CNTN1: variants seen among roughly 807,000 people sequenced by gnomAD.
CNTN1 encodes contactin-1.
A neutral mutation model predicts 126.4 loss-of-function variants in CNTN1; 38 were observed. That is an observed-to-expected ratio of 0.30 (90% CI 0.23 to 0.39). The LOEUF is 0.39. Among genes scored for constraint, CNTN1 ranks in the 10% least tolerant of loss-of-function variants. The probability of loss-of-function intolerance (pLI) is 1.00; values close to 1 mark genes in which losing one functional copy is unlikely to be tolerated. For missense variants in CNTN1, 1,009 were observed against 1,248.4 expected (o/e 0.81, Z 2.89); for synonymous variants, 413 against 422.6 (o/e 0.98, Z 0.28).
intron 6 of CNTN1, 32 bp downstream of exon 6, chr12:40,924,684 C>A: frequency 8.5e-7 from 1 of 1,171,186 alleles, no homozygotes. Context: ...CTATTAGCAT[C>A]TATGAAACAA....
At position 41,070,345 on chromosome 12, in the gene CNTN1, C is replaced by T. The variant is rs1950135584; in HGVS notation, c.*310C>T. The T allele has an allele frequency of 2.4e-6, 1 of 423,482 alleles. No individual in the cohort carries two copies. The highest frequency in any genetic ancestry group is 2.1e-5 in the South Asian group (1 of 46,934). 26.2% of individuals were successfully genotyped at this position (423,482 alleles called of 1,614,324 possible). On this transcript the variant is annotated 3_prime_UTR_variant, in exon 24 of 24. Transcript: ENST00000551295. ...ATGGGACAAGTTACAGTGTTCAATT[C>T]AATACTATAGGCTGTAGAGTGAAAG... is the stretch of plus-strand genomic sequence containing the variant.
intron 1 of CNTN1, among the ~76,000 whole-genome samples, chr12:40,728,442 CT>C (rs1429036884): frequency 6.6e-6 from 1 of 152,116 alleles, no homozygotes; most frequent in African/African-American, 2.4e-5. Context: ...TAGTAGTAAG[CT>C]CTGTAAGACT....
chr12:40,720,003 ATTTTTTTTT>A (rs561694238), intron 1 of CNTN1, among the ~76,000 whole-genome samples: 2 of 127,238 alleles, frequency 1.6e-5, no homozygotes, highest in South Asian at 2.5e-4. Flanking sequence ...CGCCCGGTTA[ATTTTTTTTT>A]TTTTTTTTTT....
intron 16 of CNTN1, among the ~76,000 whole-genome samples, chr12:40,984,322 G>A (rs1439352405): frequency 6.6e-6 from 1 of 151,902 alleles, no homozygotes; most frequent in East Asian, 1.9e-4. Flanking sequence ...AGTCTATTTT[G>A]CATTGCTATA....
chr12:41,031,885 G>A lies in CNTN1; in HGVS notation c.2980+2666G>A, dbSNP rs543857942. ...AAATCATTTAAATTATTTTAATGAG[G>A]CAAATGTGTAAATACAAACAGAAAT... On this transcript the variant is annotated intron_variant, in intron 23 of 23. Transcript: ENST00000551295. Among the ~76,000 whole-genome samples the A allele has an allele frequency of 2.0e-5, 3 of 152,072 alleles. No individual in the cohort carries two copies. The East Asian group carries it at 5.8e-4, about 29-fold the overall frequency.
chr12:40,701,203 CAT>C (rs970306472), intron 1 of CNTN1, among the ~76,000 whole-genome samples: 1 of 152,094 alleles, frequency 6.6e-6, no homozygotes, highest in Non-Finnish European at 1.5e-5. Flanking sequence ...TCTAAATTTG[CAT>C]ATGTTTTATT....
intron 1 of CNTN1, among the ~76,000 whole-genome samples, chr12:40,885,839 G>T (rs567567526): frequency 2.4e-4 from 36 of 151,984 alleles, no homozygotes; most frequent in African/African-American, 8.4e-4. Flanking sequence ...ATCAGGAGCT[G>T]GTATAGTTTT....
At chr12:40,837,027 A>C (rs1273836150) in intron 1 of CNTN1, among the ~76,000 whole-genome samples, 2 of 152,178 alleles carry the variant, frequency 1.3e-5, no homozygotes, top group African/African-American at 2.4e-5. Flanking sequence ...ATATTCAGTG[A>C]TATTTCGGAA....
intron 1 of CNTN1, among the ~76,000 whole-genome samples, chr12:40,723,430 T>C (rs770028987): frequency 2.0e-5 from 3 of 152,214 alleles, no homozygotes; most frequent in Non-Finnish European, 4.4e-5. Context: ...GACTTCCAGA[T>C]TGAACCTTCA....
intron 1 of CNTN1, among the ~76,000 whole-genome samples, chr12:40,779,596 CA>C (rs1939714167): frequency 6.6e-6 from 1 of 151,836 alleles, no homozygotes; most frequent in Non-Finnish European, 1.5e-5. Flanking sequence ...GCATTGCTGT[CA>C]TTTAAGACAT....
At chr12:40,904,522 G>A (rs2136788509) in intron 1 of CNTN1, among the ~76,000 whole-genome samples, 1 of 151,770 alleles carries the variant, frequency 6.6e-6, no homozygotes, top group Middle Eastern at 3.4e-3. Context: ...TCCAGCTCCT[G>A]GGTTCAAGCA....
In CNTN1 at chr12:40,953,619, C is replaced by T. The variant is rs74078666; in HGVS notation, c.1684-5495C>T. The stretch of plus-strand genomic sequence containing the variant: ...CTTCTTACTGCTTTATGCAAGTGGG[C>T]TTATCGATAAAAGAGTTAATTTTCA... On this transcript the variant is annotated intron_variant, in intron 14 of 23. Coordinates refer to ENST00000551295, the MANE Select transcript of CNTN1 (RefSeq NM_001843.4). Among the ~76,000 whole-genome samples, 490 of 152,058 alleles carry T rather than the reference C, an allele frequency of 3.2e-3. 1 individual carries two copies. The highest frequency in any genetic ancestry group is 0.012 in the African/African-American group (479 of 41,496).
Position 40,693,462 on chromosome 12 carries a change from G to A in CNTN1, c.-77+870G>A, listed in dbSNP as rs114611560. Among the ~76,000 whole-genome samples, 1,435 of 152,344 alleles carry A rather than the reference G, an allele frequency of 9.4e-3. 21 individuals are homozygous for A. Among genetic ancestry groups the A allele is most frequent in the African/African-American group, 0.03 (1,229 of 41,568 alleles). On this transcript the variant is annotated intron_variant, in intron 1 of 23. Transcript: ENST00000551295. ...GTTGGCCCAGTGCCGGTTCCTGCAG[G>A]AGTCAGATTGCTGGGAGCAGTAGGC...
intron 1 of CNTN1, among the ~76,000 whole-genome samples, chr12:40,807,849 C>G (rs1940915766): frequency 6.6e-6 from 1 of 152,030 alleles, no homozygotes; most frequent in Admixed American, 6.6e-5. Flanking sequence ...TTAACATTTT[C>G]TTTTATCTCT....
chr12:40,856,955 A>C (rs996391891), intron 1 of CNTN1, among the ~76,000 whole-genome samples: 12 of 152,158 alleles, frequency 7.9e-5, no homozygotes, highest in Admixed American at 7.2e-4. Flanking sequence ...AATGTTTTAC[A>C]AACATATACT....
intron 1 of CNTN1, among the ~76,000 whole-genome samples, chr12:40,774,642 A>G (rs1939504958): frequency 6.6e-6 from 1 of 151,654 alleles, no homozygotes; most frequent in South Asian, 2.1e-4. Flanking sequence ...TCTCCAGTGT[A>G]ATTTCATGAA....
At chr12:40,844,132 A>G (rs1942405789) in intron 1 of CNTN1, among the ~76,000 whole-genome samples, 1 of 129,808 alleles carries the variant, frequency 7.7e-6, no homozygotes. Flanking sequence ...CAGTGGCACG[A>G]TCTCAGCTCA....
chr12:40,984,872 T>A (rs765339951), intron 16 of CNTN1, among the ~76,000 whole-genome samples: 33 of 152,136 alleles, frequency 2.2e-4, no homozygotes, highest in Non-Finnish European at 4.0e-4. Context: ...TGTGAATATA[T>A]ATACATACAT....
intron 16 of CNTN1, 130 bp from the exon 17 acceptor site, chr12:40,992,990 T>C (rs1948128872): frequency 1.3e-6 from 1 of 757,506 alleles, no homozygotes; most frequent in Non-Finnish European, 2.2e-6. Context: ...TTGTCATTCC[T>C]AGTTGTAGTT....
Sources: gnomAD v4.1 joint callset for allele counts (sites outside exome capture counted in the v4.1 genomes callset) on GRCh38, gnomAD v4.1.1 for gene constraint, MANE v1.5 for transcripts, NCBI Gene and HGNC (gene_info 2026-07-23, HGNC 2026-07-21) for gene names.